Variants in CIMIP7 observed in about 807,000 individuals in gnomAD.
CIMIP7 encodes the protein ciliary microtubule inner protein 7.
At chr3:49,187,601 G>A in the CIMIP7 span, among the ~76,000 whole-genome samples, 1 of 151,326 alleles carries the variant, frequency 6.6e-6, no homozygotes, top group African/African-American at 2.4e-5. Flanking sequence ...GCTGGAAATA[G>A]ATTAATCTGC....
At chr3:49,180,911 CAG>C in the CIMIP7 span, among the ~76,000 whole-genome samples, 2 of 112,930 alleles carry the variant, frequency 1.8e-5, no homozygotes, top group African/African-American at 3.6e-5. Context: ...GCCTGGGCGA[CAG>C]AGTGAGACTC....
At chr3:49,178,425 C>T in the CIMIP7 span, 1 of 1,534,882 alleles carries the variant, frequency 6.5e-7, no homozygotes, top group South Asian at 1.1e-5. Context: ...CTGCTCTGTC[C>T]AGACTTCAGC....
At chr3:49,178,374 T>A in the CIMIP7 span, 20 of 1,014,202 alleles carry the variant, frequency 2.0e-5, no homozygotes, top group Non-Finnish European at 2.7e-5. Context: ...TCTGCCTTCA[T>A]AAGGAGCCCT....
chr3:49,190,317 G>A, the CIMIP7 span, among the ~76,000 whole-genome samples: 10 of 152,112 alleles, frequency 6.6e-5, no homozygotes, highest in Non-Finnish European at 1.2e-4. Context: ...CAGTATAGAA[G>A]TGTCTTCATC....
chr3:49,189,277 T>C, the CIMIP7 span, among the ~76,000 whole-genome samples: 11 of 151,932 alleles, frequency 7.2e-5, no homozygotes, highest in African/African-American at 2.7e-4. Flanking sequence ...CCTATTTTTT[T>C]TTTTTGTATT....
At chr3:49,182,483 T>A in the CIMIP7 span, among the ~76,000 whole-genome samples, 1 of 152,308 alleles carries the variant, frequency 6.6e-6, no homozygotes, top group South Asian at 2.1e-4. Context: ...AGGGTGCTGA[T>A]TGGTGTGTTT....
the CIMIP7 span, among the ~76,000 whole-genome samples, chr3:49,184,137 A>T: frequency 6.6e-6 from 1 of 152,042 alleles, no homozygotes; most frequent in African/African-American, 2.4e-5. Context: ...AGCTGGTACC[A>T]CAGGTGCATG....
At chr3:49,183,817 A>G in the CIMIP7 span, among the ~76,000 whole-genome samples, 4 of 152,258 alleles carry the variant, frequency 2.6e-5, no homozygotes, top group Non-Finnish European at 1.5e-5. Flanking sequence ...AAAAACTGGA[A>G]TCAGGTCAGA....
chr3:49,191,750 A>T, the CIMIP7 span: 1 of 1,579,580 alleles, frequency 6.3e-7, no homozygotes, highest in East Asian at 2.3e-5. Context: ...CTTACCCAGG[A>T]GCCTACTAAA....
At chr3:49,182,246 C>T in the CIMIP7 span, among the ~76,000 whole-genome samples, 1 of 152,184 alleles carries the variant, frequency 6.6e-6, no homozygotes, top group Non-Finnish European at 1.5e-5. Flanking sequence ...CTTTTATGCT[C>T]TTATCTGGCC....
At chr3:49,185,847 C>T in the CIMIP7 span, among the ~76,000 whole-genome samples, 3 of 151,632 alleles carry the variant, frequency 2.0e-5, no homozygotes, top group Admixed American at 6.6e-5. Flanking sequence ...CCAGCCACCA[C>T]TCCCTGCCAA....
chr3:49,188,404 C>T, the CIMIP7 span, among the ~76,000 whole-genome samples: 7 of 152,256 alleles, frequency 4.6e-5, no homozygotes, highest in Middle Eastern at 3.4e-3. Flanking sequence ...GTTGTTGCTC[C>T]GGAGGCTGAC....
chr3:49,178,389 C>G, the CIMIP7 span: 7 of 1,173,174 alleles, frequency 6.0e-6, no homozygotes, highest in South Asian at 9.0e-5. Flanking sequence ...AGCCCTCCCT[C>G]AGTGTCATCC....
chr3:49,189,608 C>T, the CIMIP7 span, among the ~76,000 whole-genome samples: 3 of 152,202 alleles, frequency 2.0e-5, no homozygotes, highest in Non-Finnish European at 4.4e-5. Context: ...TGTACTACTT[C>T]CCTGACCAGA....
At chr3:49,178,286 C>T in the CIMIP7 span, among the ~76,000 whole-genome samples, 1 of 152,156 alleles carries the variant, frequency 6.6e-6, no homozygotes, top group Admixed American at 6.5e-5. Context: ...GCAGAGGAAA[C>T]CAACATAGAG....
At chr3:49,189,937 CA>C in the CIMIP7 span, 1 of 933,960 alleles carries the variant, frequency 1.1e-6, no homozygotes, top group Non-Finnish European at 1.8e-6. Flanking sequence ...TCAGTACAGC[CA>C]TGGAAGGGCT....
the CIMIP7 span, chr3:49,177,663 C>T: frequency 1.9e-6 from 3 of 1,597,012 alleles, no homozygotes; most frequent in African/African-American, 2.7e-5. Flanking sequence ...ATGCTCTGGA[C>T]CAGTTTAGAC....
At chr3:49,183,028 C>T in the CIMIP7 span, among the ~76,000 whole-genome samples, 1 of 152,154 alleles carries the variant, frequency 6.6e-6, no homozygotes, top group Non-Finnish European at 1.5e-5. Context: ...CTGAGGGAGC[C>T]GTCTCGGGCC....
the CIMIP7 span, chr3:49,189,860 C>T: frequency 5.3e-6 from 4 of 755,010 alleles, no homozygotes; most frequent in Non-Finnish European, 9.9e-6. Context: ...CTCTTTTCCA[C>T]CCTGTCTGTA....
Sources: allele counts gnomAD v4.1 joint callset (sites outside exome capture counted in the v4.1 genomes callset), GRCh38; gene constraint gnomAD v4.1.1; transcripts MANE v1.5; gene names NCBI Gene and HGNC (gene_info 2026-07-23, HGNC 2026-07-21).